LPAR3: variants seen among roughly 807,000 people sequenced by gnomAD.
LPAR3 encodes LPA receptor 3.
Under a neutral mutation model 17.8 loss-of-function variants are expected in LPAR3, and 7 were observed. The ratio of observed to expected loss-of-function variants is 0.39; its 90% confidence interval spans 0.22 to 0.74. The LOEUF is 0.74. Ranked by LOEUF, LPAR3 falls within the 30% of genes least tolerant of loss-of-function variation. The pLI is 0.40. For synonymous variants in LPAR3, 179 were observed against 179.9 expected (o/e 0.99, Z 0.04); for missense variants, 391 against 453.4 (o/e 0.86, Z 1.25).
In LPAR3 at chr1:84,858,326, A is replaced by G. The variant is rs572884569; in HGVS notation, c.736+7059T>C. 2.0e-5 allele frequency among the ~76,000 whole-genome samples: 3 copies of G among 152,116 alleles called. No individual in the cohort carries two copies. The South Asian group carries it at 6.2e-4, about 32-fold the overall frequency. On this transcript the variant is annotated intron_variant, in intron 2 of 2. Transcript: ENST00000370611. ...GCGAAACTCTATCTCTACTAAAAAC[A>G]TAAGAAAAGTAGCTGGGCATGGTGC...
chr1:84,817,500 T>A (rs1445032258), intron 2 of LPAR3, among the ~76,000 whole-genome samples: 1 of 152,106 alleles, frequency 6.6e-6, no homozygotes, highest in Non-Finnish European at 1.5e-5. Flanking sequence ...TGGAGAGAGA[T>A]CTTGGCCTCC....
In LPAR3 at chr1:84,866,137, T is replaced by G; in HGVS notation, c.-17A>C. On this transcript the variant is annotated splice_region_variant and 5_prime_UTR_variant, in exon 2 of 3. An upstream start codon of the reference 5' UTR is lost. Transcript: ENST00000370611. ...CTCATTCATTGTGGAGAAGTGAACA[T>G]CCTAGAAAGAAATTTAAAGAAGAAA... The G allele has an allele frequency of 1.4e-6, 2 of 1,461,494 alleles. No homozygotes were observed. The highest frequency in any genetic ancestry group is 1.9e-6 in the Non-Finnish European group (2 of 1,075,136). 90.5% of individuals were successfully genotyped at this position (1,461,494 alleles called of 1,614,324 possible).
At chr1:84,869,063 T>C (rs1387602672) in intron 1 of LPAR3, among the ~76,000 whole-genome samples, 2 of 152,234 alleles carry the variant, frequency 1.3e-5, no homozygotes, top group Non-Finnish European at 2.9e-5. Context: ...TAAAGATGAA[T>C]ATGTCACAAA....
At chr1:84,892,968 G>T (rs370375380) in intron 1 of LPAR3, 48 bp downstream of exon 1, 20 of 152,242 alleles carry the variant, frequency 1.3e-4, no homozygotes, top group African/African-American at 4.1e-4. Flanking sequence ...CGCACGCCCT[G>T]GTGACTGCGG....
At chr1:84,852,893 G>A (rs1392869879) in intron 2 of LPAR3, among the ~76,000 whole-genome samples, 1 of 152,092 alleles carries the variant, frequency 6.6e-6, no homozygotes, top group African/African-American at 2.4e-5. Context: ...AAACACAGTA[G>A]TATTAGAGTA....
chr1:84,888,348 C>T (rs779858224), intron 1 of LPAR3, among the ~76,000 whole-genome samples: 3 of 152,150 alleles, frequency 2.0e-5, no homozygotes, highest in Admixed American at 6.5e-5. Context: ...CCCCATTCGA[C>T]GAACTGACTT....
intron 2 of LPAR3, among the ~76,000 whole-genome samples, chr1:84,857,832 A>G (rs75870858): frequency 0.032 from 4,945 of 152,328 alleles, 125 homozygotes; most frequent in Non-Finnish European, 0.052. Flanking sequence ...TTCGGGCCTC[A>G]GTTTCCTCAT....
intron 2 of LPAR3, among the ~76,000 whole-genome samples, chr1:84,828,710 A>G (rs1279483540): frequency 6.6e-6 from 1 of 151,692 alleles, no homozygotes; most frequent in African/African-American, 2.4e-5. Flanking sequence ...TTCTTTATAC[A>G]CTTTTCTTCA....
chr1:84,891,851 A>C (rs909393940), intron 1 of LPAR3, among the ~76,000 whole-genome samples: 5 of 152,164 alleles, frequency 3.3e-5, no homozygotes, highest in Admixed American at 3.3e-4. Context: ...GAGGAAAAGG[A>C]GGAAGAAAAG....
intron 2 of LPAR3, among the ~76,000 whole-genome samples, chr1:84,832,142 G>A (rs188634369): frequency 2.0e-4 from 31 of 152,082 alleles, no homozygotes; most frequent in Admixed American, 9.8e-4. Flanking sequence ...GACCACCTGC[G>A]CTAACAGTGC....
intron 2 of LPAR3, among the ~76,000 whole-genome samples, chr1:84,837,852 C>T (rs1201067457): frequency 4.6e-5 from 7 of 152,166 alleles, no homozygotes; most frequent in African/African-American, 1.7e-4. Flanking sequence ...CCTATTTGCA[C>T]AAAACCAGGG....
At chr1:84,818,950 T>G (rs1030325833) in intron 2 of LPAR3, among the ~76,000 whole-genome samples, 2 of 152,230 alleles carry the variant, frequency 1.3e-5, no homozygotes, top group African/African-American at 4.8e-5. Flanking sequence ...TCCCCCTCTC[T>G]TTTTTCGTAT....
intron 1 of LPAR3, among the ~76,000 whole-genome samples, chr1:84,876,183 T>C (rs1660253971): frequency 6.6e-6 from 1 of 152,168 alleles, no homozygotes; most frequent in Non-Finnish European, 1.5e-5. Flanking sequence ...TCATATCTCA[T>C]ACCCCTCCTC....
chr1:84,857,086 G>A (rs949522841), intron 2 of LPAR3, among the ~76,000 whole-genome samples: 5 of 152,052 alleles, frequency 3.3e-5, no homozygotes, highest in African/African-American at 7.2e-5. Flanking sequence ...AAGCACACCC[G>A]GTCAGCTTCC....
intron 2 of LPAR3, among the ~76,000 whole-genome samples, chr1:84,827,003 TC>T: frequency 6.6e-6 from 1 of 152,200 alleles, no homozygotes; most frequent in Non-Finnish European, 1.5e-5. Context: ...TGACTGACTT[TC>T]CCAATTAATC....
intron 1 of LPAR3, among the ~76,000 whole-genome samples, chr1:84,881,992 G>A (rs1364688550): frequency 6.6e-6 from 1 of 152,082 alleles, no homozygotes; most frequent in African/African-American, 2.4e-5. Flanking sequence ...CAGCAATTAG[G>A]CAAGAAAAAT....
At chr1:84,823,852 A>C (rs1232991653) in intron 2 of LPAR3, among the ~76,000 whole-genome samples, 1 of 152,224 alleles carries the variant, frequency 6.6e-6, no homozygotes, top group Non-Finnish European at 1.5e-5. Flanking sequence ...AGCTGTGTGT[A>C]CTGACAGAGT....
At chr1:84,840,143 CA>C (rs751557532) in intron 2 of LPAR3, among the ~76,000 whole-genome samples, 153 of 151,974 alleles carry the variant, frequency 1.0e-3, no homozygotes, top group Non-Finnish European at 1.9e-3. Context: ...CAGCTGGTTT[CA>C]AACTCCTGGG....
At chr1:84,820,093 A>C (rs1659025876) in intron 2 of LPAR3, among the ~76,000 whole-genome samples, 1 of 152,172 alleles carries the variant, frequency 6.6e-6, no homozygotes, top group Non-Finnish European at 1.5e-5. Flanking sequence ...ACATACAATA[A>C]ATTTGAAGTT....
Sources: allele counts gnomAD v4.1 joint callset (sites outside exome capture counted in the v4.1 genomes callset), GRCh38; gene constraint gnomAD v4.1.1; transcripts MANE v1.5; gene names NCBI Gene and HGNC (gene_info 2026-07-23, HGNC 2026-07-21).